Variants in RNF144A observed in about 807,000 individuals in gnomAD.
RNF144A encodes the protein ring finger protein 144A, also known as E3 ubiquitin-protein ligase RNF144A.
In RNF144A, 11 loss-of-function variants were observed where a neutral mutation model predicts 38.7. The observed-to-expected ratio is 0.28, with a 90% CI of 0.18 to 0.47. The LOEUF is 0.47. Ranked by LOEUF, RNF144A falls within the 20% of genes least tolerant of loss-of-function variation. The pLI is 0.99. For synonymous variants in RNF144A, 149 were observed against 143.9 expected (o/e 1.04, Z -0.25); for missense variants, 316 against 377.2 (o/e 0.84, Z 1.34).
chr2:6,964,641 TA>T (rs960500645), intron 2 of RNF144A, among the ~76,000 whole-genome samples: 33 of 152,248 alleles, frequency 2.2e-4, no homozygotes, highest in African/African-American at 7.9e-4. Context: ...TACGCAGCCA[TA>T]AAAAATGATG....
intron 2 of RNF144A, among the ~76,000 whole-genome samples, chr2:6,948,148 A>G (rs1473213201): frequency 1.3e-5 from 2 of 152,202 alleles, no homozygotes; most frequent in Non-Finnish European, 2.9e-5. Flanking sequence ...GCTGCAAGGA[A>G]GACTGGGTGT....
chr2:6,945,380 GT>G (rs1282073610), intron 2 of RNF144A, among the ~76,000 whole-genome samples: 1 of 152,204 alleles, frequency 6.6e-6, no homozygotes, highest in Non-Finnish European at 1.5e-5. Context: ...CTCAGTTACA[GT>G]TTTCTGGGGT....
chr2:7,020,284 T>C (rs1398675974), intron 5 of RNF144A, among the ~76,000 whole-genome samples, 189 bp from the exon 6 acceptor site: 1 of 151,770 alleles, frequency 6.6e-6, no homozygotes, highest in East Asian at 1.9e-4. Flanking sequence ...AAGGGAGAAG[T>C]TGGGAAGAGC....
At chr2:7,030,065 A>T in intron 7 of RNF144A, 61 bp from the exon 8 acceptor site, 1 of 1,128,120 alleles carries the variant, frequency 8.9e-7, no homozygotes, top group Non-Finnish European at 1.4e-6. Flanking sequence ...AATGGCTGTG[A>T]TACTCACCGA....
intron 2 of RNF144A, among the ~76,000 whole-genome samples, chr2:6,973,298 G>A (rs115325002): frequency 0.025 from 3,807 of 152,300 alleles, 64 homozygotes; most frequent in Non-Finnish European, 0.037. Flanking sequence ...TGGTGTCTTA[G>A]GATCTTTGGA....
At chr2:6,927,144 G>C (rs1014344280) in intron 1 of RNF144A, among the ~76,000 whole-genome samples, 2 of 152,182 alleles carry the variant, frequency 1.3e-5, no homozygotes, top group African/African-American at 4.8e-5. Flanking sequence ...TTTAGGTGCA[G>C]GGTTTTTCAT....
Position 7,024,378 on chromosome 2 carries a change from C to G in RNF144A, c.519C>G (p.Phe173Leu), listed in dbSNP as rs780818607. ...TFLPGETSAAFKMEEDDAPIK... is the reference protein window; with the variant it reads ...TFLPGETSAALKMEEDDAPIK... The stretch of plus-strand genomic sequence containing the variant: ...GGCGTTTCTCCCACAGTGCTGCTTT[C>G]AAAATGGAAGAAGATGACGCGCCCA... Residue 173 changes from phenylalanine to leucine, a missense_variant, in exon 7 of 9, where the codon TTC (phenylalanine) becomes TTG (leucine). Transcript: ENST00000320892. 1.2e-6 allele frequency: 2 copies of G among 1,606,524 alleles called. No individual in the cohort carries two copies. The highest frequency in any genetic ancestry group is 2.2e-5 in the South Asian group (2 of 90,898).
chr2:7,057,554 C>T (rs1673788047), intron 6 of RNF144A, among the ~76,000 whole-genome samples: 1 of 152,080 alleles, frequency 6.6e-6, no homozygotes, highest in South Asian at 2.1e-4. Context: ...TTTTAGTTTG[C>T]CAAATATTAA....
chr2:7,004,273 T>A (rs1011509154), intron 3 of RNF144A, among the ~76,000 whole-genome samples: 3 of 152,262 alleles, frequency 2.0e-5, no homozygotes, highest in Non-Finnish European at 4.4e-5. Context: ...TGGCTGCAGA[T>A]GTCACTTACT....
At chr2:6,955,479 T>G (rs994540481) in intron 2 of RNF144A, among the ~76,000 whole-genome samples, 2 of 151,996 alleles carry the variant, frequency 1.3e-5, no homozygotes, top group South Asian at 4.2e-4. Flanking sequence ...CTAGACCGAG[T>G]CAATTCTTCT....
At chr2:6,986,249 G>A (rs1668956505) in intron 2 of RNF144A, among the ~76,000 whole-genome samples, 3 of 151,660 alleles carry the variant, frequency 2.0e-5, no homozygotes, top group Non-Finnish European at 2.9e-5. Flanking sequence ...AATAAAACCC[G>A]GTTTTTTTTT....
downstream of RNF144A, among the ~76,000 whole-genome samples, chr2:7,069,575 C>A (rs566786416): frequency 6.6e-6 from 1 of 152,330 alleles, no homozygotes; most frequent in South Asian, 2.1e-4. Context: ...CCTTCTCTTT[C>A]ATCTTCTCTC....
chr2:7,003,734 A>G (rs890061325), intron 3 of RNF144A, among the ~76,000 whole-genome samples: 1 of 152,268 alleles, frequency 6.6e-6, no homozygotes. Flanking sequence ...GCTCCAGACT[A>G]GCTGTATGTG....
intron 6 of RNF144A, among the ~76,000 whole-genome samples, chr2:7,054,251 G>A (rs1440370141): frequency 2.0e-5 from 3 of 152,182 alleles, no homozygotes; most frequent in Non-Finnish European, 2.9e-5. Flanking sequence ...ACAACATTTC[G>A]CCTGCCTACG....
chr2:7,013,216 C>A (rs970822134), intron 3 of RNF144A, among the ~76,000 whole-genome samples: 6 of 152,172 alleles, frequency 3.9e-5, no homozygotes, highest in African/African-American at 1.4e-4. Flanking sequence ...AATATTCTTA[C>A]AACTCCACTG....
intron 8 of RNF144A, among the ~76,000 whole-genome samples, chr2:7,035,996 C>T (rs575021620): frequency 2.0e-5 from 3 of 152,178 alleles, no homozygotes; most frequent in Non-Finnish European, 4.4e-5. Context: ...AGAGTGGCCG[C>T]GAATGCAAGA....
chr2:6,997,326 C>T (rs1669813828), intron 3 of RNF144A, among the ~76,000 whole-genome samples: 1 of 152,160 alleles, frequency 6.6e-6, no homozygotes, highest in Admixed American at 6.5e-5. Flanking sequence ...ATTCACGAAA[C>T]TTATCATAGC....
In RNF144A at chr2:6,941,750, T is replaced by C. The variant is rs1256689537; in HGVS notation, c.-12+603T>C. ...GTCAGGGAGGTCTCTAAAGGTGAAA[T>C]TGAACATGCACTTTAAGGAGGCGCA... On this transcript the variant is annotated intron_variant, in intron 2 of 8. Transcript: ENST00000320892. This position sits in a 1 kb window ranked among gnomAD's most constrained non-coding sequence, Gnocchi z 6.5. Among the ~76,000 whole-genome samples, 1 of 152,218 alleles carries C rather than the reference T, an allele frequency of 6.6e-6. No individual in the cohort carries two copies. The highest frequency in any genetic ancestry group is 2.4e-5 in the African/African-American group (1 of 41,446).
intron 1 of RNF144A, among the ~76,000 whole-genome samples, chr2:6,934,791 G>A (rs1475603782): frequency 3.9e-5 from 6 of 152,226 alleles, no homozygotes; most frequent in Non-Finnish European, 8.8e-5. Context: ...AAGAGCAGGA[G>A]CTCTGCAGCT....
Sources: gnomAD v4.1 joint callset for allele counts (sites outside exome capture counted in the v4.1 genomes callset) on GRCh38, gnomAD v4.1.1 for gene constraint, Gnocchi (gnomAD v3.1) non-coding constraint, MANE v1.5 for transcripts, NCBI Gene and HGNC (gene_info 2026-07-23, HGNC 2026-07-21) for gene names.